The following CELF2 variants were observed in gnomAD, a reference collection of about 807,000 sequenced individuals.
The protein encoded by CELF2 is CUG triplet repeat RNA-binding protein 2.
A neutral mutation model predicts 62.6 loss-of-function variants in CELF2; 8 were observed. That is an observed-to-expected ratio of 0.13 (90% CI 0.07 to 0.23). The LOEUF (loss-of-function observed/expected upper bound fraction) is 0.23. Among genes scored for constraint, CELF2 ranks in the 10% least tolerant of loss-of-function variants. CELF2 has a pLI of 1.00. For missense variants in CELF2, 333 were observed against 671.0 expected (o/e 0.50, Z 5.56); for synonymous variants, 258 against 250.0 (o/e 1.03, Z -0.30).
the CELF2 span, among the ~76,000 whole-genome samples, chr10:10,620,917 CAAAAAAA>C: frequency 1.8e-3 from 66 of 35,806 alleles, no homozygotes; most frequent in African/African-American, 7.4e-3. Flanking sequence ...GACCCCATCT[CAAAAAAA>C]AAAAAAAAAA....
Position 10,997,279 on chromosome 10 carries a change from G to A in CELF2, c.89+77280G>A, listed in dbSNP as rs2054058089. 6.6e-6 allele frequency among the ~76,000 whole-genome samples: 1 copy of A among 152,172 alleles called. No individual in the cohort carries two copies. Among genetic ancestry groups the A allele is most frequent in the South Asian group, 2.1e-4 (1 of 4,824 alleles). ...TTTGTGCCACTGCACTCTAGCCTGAGCAACAGAGCAAGACACCATCTCTGA... is the reference window on the plus strand; with the variant it reads ...TTTGTGCCACTGCACTCTAGCCTGAACAACAGAGCAAGACACCATCTCTGA... On this transcript the variant is annotated intron_variant, in intron 2 of 13. Coordinates refer to the CELF2 transcript ENST00000636488. This position sits in a 1 kb window ranked among gnomAD's most constrained non-coding sequence, Gnocchi z 5.3.
At chr10:10,809,435 A>G (rs923172693) in intron 1 of CELF2, among the ~76,000 whole-genome samples, 3 of 152,158 alleles carry the variant, frequency 2.0e-5, no homozygotes, top group Non-Finnish European at 4.4e-5. Flanking sequence ...TAAACTTTCT[A>G]TGACTTTCTG....
At position 11,223,804 on chromosome 10, in the gene CELF2, G is replaced by A. The variant is rs777106835; in HGVS notation, c.354+6297G>A. 1.4e-4 allele frequency among the ~76,000 whole-genome samples: 22 copies of A among 152,226 alleles called. No individual in the cohort carries two copies. The highest frequency in any genetic ancestry group is 3.9e-4 in the Admixed American group (6 of 15,290). Reference sequence around the variant, plus strand: ...GATCCAGGAGAGGATATCGGAGGATGGAAGGAAATCCTGGGCCCAGTGAGT... The same window carrying A: ...GATCCAGGAGAGGATATCGGAGGATAGAAGGAAATCCTGGGCCCAGTGAGT... On this transcript the variant is annotated intron_variant, in intron 3 of 12. Coordinates refer to ENST00000633077, the MANE Select transcript of CELF2 (RefSeq NM_001326342.2). This position sits in a 1 kb window ranked among gnomAD's most constrained non-coding sequence, Gnocchi z 5.1.
In CELF2 at chr10:11,269,612, G is replaced by T. The variant is rs1362667601; in HGVS notation, c.619-1054G>T. The stretch of plus-strand genomic sequence containing the variant: ...CTTTATGCCTCAGCAAAATTGAACA[G>T]CTTTAATTGTGATGAAACGTGTAGG... On this transcript the variant is annotated intron_variant, in intron 6 of 12. Transcript: ENST00000633077. The surrounding 1 kb of genome is among the most constrained non-coding windows in gnomAD (Gnocchi z 4.4). 6.6e-6 allele frequency among the ~76,000 whole-genome samples: 1 copy of T among 152,200 alleles called. No individual in the cohort carries two copies. Among genetic ancestry groups the T allele is most frequent in the East Asian group, 1.9e-4 (1 of 5,208 alleles).
At chr10:10,668,676 G>C in the CELF2 span, among the ~76,000 whole-genome samples, 1 of 152,082 alleles carries the variant, frequency 6.6e-6, no homozygotes, top group Non-Finnish European at 1.5e-5. Context: ...GTTACATATA[G>C]GCCAAGCACA....
intron 2 of CELF2, among the ~76,000 whole-genome samples, chr10:11,196,849 C>A (rs1174234722): frequency 6.6e-6 from 1 of 151,108 alleles, no homozygotes; most frequent in Non-Finnish European, 1.5e-5. Flanking sequence ...ATCCCAGCCG[C>A]TCATGGGGCT....
the CELF2 span, among the ~76,000 whole-genome samples, chr10:10,558,255 A>G: frequency 6.6e-6 from 1 of 151,938 alleles, no homozygotes; most frequent in African/African-American, 2.4e-5. Context: ...GGGTTGTTGA[A>G]TTTTGTCAAA....
chr10:11,213,147 G>A (rs1205786602), intron 2 of CELF2, among the ~76,000 whole-genome samples: 1 of 152,156 alleles, frequency 6.6e-6, no homozygotes, highest in Non-Finnish European at 1.5e-5. Flanking sequence ...AGGGAAGGTG[G>A]GTTTCCCAGA....
At chr10:10,651,405 A>G in the CELF2 span, among the ~76,000 whole-genome samples, 4 of 145,490 alleles carry the variant, frequency 2.7e-5, no homozygotes, top group Non-Finnish European at 4.6e-5. Flanking sequence ...TGTAGGCTCC[A>G]CCTCTGGGGG....
At chr10:10,867,203 T>C (rs900142760) in intron 1 of CELF2, among the ~76,000 whole-genome samples, 3 of 152,158 alleles carry the variant, frequency 2.0e-5, no homozygotes, top group Non-Finnish European at 4.4e-5. Flanking sequence ...GCTACCAACA[T>C]GATGTCACTG....
At chr10:11,140,295 C>T (rs2132201378) in intron 1 of CELF2, among the ~76,000 whole-genome samples, 2 of 152,270 alleles carry the variant, frequency 1.3e-5, no homozygotes, top group Middle Eastern at 6.8e-3. Flanking sequence ...ATGTTCGGTG[C>T]AGTAGCGCAA....
chr10:10,726,673 TG>T, the CELF2 span, among the ~76,000 whole-genome samples: 2 of 152,178 alleles, frequency 1.3e-5, no homozygotes, highest in Non-Finnish European at 1.5e-5. Context: ...ATGTTTACTT[TG>T]GGGGGAAAAT....
intron 1 of CELF2, among the ~76,000 whole-genome samples, chr10:11,155,115 C>G (rs1202025345): frequency 3.9e-5 from 6 of 152,208 alleles, no homozygotes; most frequent in Admixed American, 3.9e-4. Flanking sequence ...AAAGCTTCTC[C>G]TTTAAGGCAC....
rs2092268591 is a variant in CELF2 at position 11,290,083 on chromosome 10, G to A, written c.976+1531G>A. 6.6e-6 allele frequency among the ~76,000 whole-genome samples: 1 copy of A among 152,186 alleles called. No individual in the cohort carries two copies. The highest frequency in any genetic ancestry group is 2.1e-4 in the South Asian group (1 of 4,834). ...GTTTAAGAAGCCAAATGCAGAAGCA[G>A]CTGTCGGCTGATTGGTGTAGCTAAG... is the stretch of plus-strand genomic sequence containing the variant. On this transcript the variant is annotated intron_variant, in intron 9 of 12. Transcript: ENST00000633077. The surrounding 1 kb of genome is among the most constrained non-coding windows in gnomAD (Gnocchi z 4.3).
chr10:11,302,348 G>A lies in CELF2; in HGVS notation c.977-11791G>A, dbSNP rs2093838213. Among the ~76,000 whole-genome samples the A allele has an allele frequency of 6.6e-6, 1 of 152,196 alleles. No homozygotes were observed. The highest frequency in any genetic ancestry group is 1.5e-5 in the Non-Finnish European group (1 of 68,038). ...GTTTGCATGCAAAAGCAGCGCCGAG[G>A]GCTGGTTCAACTCAGATGCCCAAGC... On this transcript the variant is annotated intron_variant, in intron 9 of 12. Coordinates refer to ENST00000633077, the MANE Select transcript of CELF2 (RefSeq NM_001326342.2). The surrounding 1 kb of genome is among the most constrained non-coding windows in gnomAD (Gnocchi z 5.0).
intron 2 of CELF2, among the ~76,000 whole-genome samples, chr10:10,988,321 A>ATAC (rs2053042214): frequency 6.6e-6 from 1 of 151,848 alleles, no homozygotes; most frequent in South Asian, 2.1e-4. Context: ...AGAGCATGGA[A>ATAC]TACTATTCAG....
chr10:10,845,055 T>C (rs2058924039), intron 1 of CELF2, among the ~76,000 whole-genome samples: 1 of 152,164 alleles, frequency 6.6e-6, no homozygotes, highest in South Asian at 2.1e-4. Context: ...TTCTAGTTCC[T>C]ATTCACTGCC....
intron 1 of CELF2, among the ~76,000 whole-genome samples, chr10:10,877,697 A>G (rs1487778541): frequency 6.6e-6 from 1 of 152,244 alleles, no homozygotes; most frequent in Admixed American, 6.5e-5. Flanking sequence ...TTAGAGAAAG[A>G]GAATTGATAA....
At chr10:10,615,434 C>T in the CELF2 span, among the ~76,000 whole-genome samples, 5 of 152,116 alleles carry the variant, frequency 3.3e-5, no homozygotes, top group Non-Finnish European at 5.9e-5. Flanking sequence ...GTATCCTCTT[C>T]GCAGATTATT....
Sources: gnomAD v4.1 joint callset for allele counts (sites outside exome capture counted in the v4.1 genomes callset) on GRCh38, gnomAD v4.1.1 for gene constraint, Gnocchi (gnomAD v3.1) non-coding constraint, MANE v1.5 for transcripts, NCBI Gene and HGNC (gene_info 2026-07-23, HGNC 2026-07-21) for gene names.